RBPJ: variants seen among roughly 807,000 people sequenced by gnomAD.
RBPJ encodes the protein recombining binding protein suppressor of hairless.
Under a neutral mutation model 67.8 loss-of-function variants are expected in RBPJ, and 9 were observed. The observed-to-expected ratio is 0.13, with a 90% CI of 0.08 to 0.23. RBPJ has a LOEUF of 0.23. RBPJ is among the 10% of genes least tolerant of loss of function. The pLI, the probability that RBPJ is intolerant of heterozygous loss-of-function variation, is 1.00. For synonymous variants in RBPJ, 198 were observed against 203.3 expected (o/e 0.97, Z 0.22); for missense variants, 305 against 595.6 (o/e 0.51, Z 5.08).
chr4:26,195,449 A>G (rs893187421), intron 1 of RBPJ, among the ~76,000 whole-genome samples: 3 of 152,198 alleles, frequency 2.0e-5, no homozygotes, highest in African/African-American at 7.2e-5. Flanking sequence ...ACAGAGTAAG[A>G]TACTGTCTCA....
chr4:26,215,815 C>CTTGCCAGT lies in RBPJ; in HGVS notation c.-167+52201_-167+52202insTTGCCAGT, dbSNP rs1175940208. Among the ~76,000 whole-genome samples, 350 of 152,280 alleles carry CTTGCCAGT rather than the reference C, an allele frequency of 2.3e-3. 3 individuals are homozygous for CTTGCCAGT. The highest frequency in any genetic ancestry group is 8.0e-3 in the African/African-American group (331 of 41,542). On this transcript the variant is annotated intron_variant, in intron 1 of 4. Coordinates refer to the RBPJ transcript ENST00000512351. ...TCTCCCCACTCCCGCCTCCCGCATC[C>CTTGCCAGT]CTCTCACCTCCTTGCCAGTCTCTGG... is the stretch of plus-strand genomic sequence containing the variant.
intron 1 of RBPJ, among the ~76,000 whole-genome samples, chr4:26,340,152 C>A (rs534714251): frequency 2.0e-5 from 3 of 152,058 alleles, no homozygotes; most frequent in Non-Finnish European, 4.4e-5. Flanking sequence ...GTGATGCATG[C>A]AACTGAGAAA....
chr4:26,108,547 G>A, the RBPJ span, among the ~76,000 whole-genome samples: 1 of 152,234 alleles, frequency 6.6e-6, no homozygotes, highest in Admixed American at 6.5e-5. Flanking sequence ...AAGCTGCATG[G>A]TTTCCAGGCA....
chr4:26,385,757 C>A (rs1420476854), intron 1 of RBPJ, among the ~76,000 whole-genome samples: 1 of 149,644 alleles, frequency 6.7e-6, no homozygotes, highest in African/African-American at 2.5e-5. Context: ...CTAGAATTTT[C>A]TTTTTCTTTT....
rs978012615 is a variant in RBPJ, at chr4:26,212,539, C to A, written c.-167+48925C>A. ...GCAACTTCCACCTCCCAGGTTCAAGCGATTCCCACCTTCTTTTTTCACATA... is the reference window on the plus strand; with the variant it reads ...GCAACTTCCACCTCCCAGGTTCAAGAGATTCCCACCTTCTTTTTTCACATA... On this transcript the variant is annotated intron_variant, in intron 1 of 4. Transcript: ENST00000512351. 2.0e-5 allele frequency among the ~76,000 whole-genome samples: 3 copies of A among 147,954 alleles called. No homozygotes were observed. In the Admixed American group the frequency reaches 2.1e-4, roughly 10 times the overall value.
At chr4:26,400,139 TA>T (rs1732620147) in intron 2 of RBPJ, among the ~76,000 whole-genome samples, 1 of 152,208 alleles carries the variant, frequency 6.6e-6, no homozygotes, top group Non-Finnish European at 1.5e-5. Context: ...GTTTTTCCAA[TA>T]ATAAAATTTT....
chr4:26,415,350 T>C, intron 3 of RBPJ, 125 bp from the exon 4 acceptor site: 2 of 842,972 alleles, frequency 2.4e-6, no homozygotes, highest in South Asian at 4.0e-5. Flanking sequence ...CACCAAAATT[T>C]TTCATTGGGG....
intron 2 of RBPJ, 55 bp downstream of exon 2, chr4:26,386,446 T>G: frequency 8.4e-7 from 1 of 1,185,392 alleles, no homozygotes. Flanking sequence ...AGTATAAATC[T>G]TATTGTTTTA....
the RBPJ span, among the ~76,000 whole-genome samples, chr4:26,114,721 TTATG>T: frequency 1.2e-4 from 18 of 152,232 alleles, no homozygotes; most frequent in Non-Finnish European, 2.4e-4. Context: ...GTGTATGTAC[TTATG>T]TATGTGTATA....
At chr4:26,307,717 G>A (rs1722283326) in intron 1 of RBPJ, among the ~76,000 whole-genome samples, 1 of 152,050 alleles carries the variant, frequency 6.6e-6, no homozygotes, top group East Asian at 1.9e-4. Context: ...TGTTTGGAAA[G>A]CTGGAAGAAA....
At position 26,293,454 on chromosome 4, in the gene RBPJ, T is replaced by A. The variant is rs538589149; in HGVS notation, c.-166-68992T>A. Among the ~76,000 whole-genome samples the A allele has an allele frequency of 7.9e-4, 119 of 149,940 alleles. 2 individuals are homozygous for A. The highest frequency in any genetic ancestry group is 2.9e-3 in the African/African-American group (117 of 40,794). On this transcript the variant is annotated intron_variant, in intron 1 of 4. Transcript: ENST00000512351. Reference sequence around the variant, plus strand: ...TTCAAGGGCAGCCTGGGCAACATAGTGAGATCCTGTCCTCACAAAAAATTT... The same window carrying A: ...TTCAAGGGCAGCCTGGGCAACATAGAGAGATCCTGTCCTCACAAAAAATTT...
chr4:26,372,266 G>A (rs1275564828), intron 1 of RBPJ, among the ~76,000 whole-genome samples: 2 of 152,224 alleles, frequency 1.3e-5, no homozygotes, highest in Non-Finnish European at 2.9e-5. Flanking sequence ...TGGAAGGCAA[G>A]ATGAGGGAGG....
At chr4:26,283,309 C>T (rs944486149) in intron 1 of RBPJ, among the ~76,000 whole-genome samples, 6 of 151,596 alleles carry the variant, frequency 4.0e-5, no homozygotes, top group African/African-American at 1.5e-4. Context: ...CTTTGGGAGG[C>T]CGAGGTGGGT....
chr4:26,331,534 T>TA (rs1437966702), intron 1 of RBPJ, among the ~76,000 whole-genome samples: 1 of 152,162 alleles, frequency 6.6e-6, no homozygotes, highest in Non-Finnish European at 1.5e-5. Flanking sequence ...CCTTGATGGG[T>TA]AGAGTGCGGC....
chr4:26,283,985 A>C (rs1721374390), intron 1 of RBPJ, among the ~76,000 whole-genome samples: 1 of 152,178 alleles, frequency 6.6e-6, no homozygotes. Flanking sequence ...GGTGTCCAAA[A>C]GATTTAAGCT....
At chr4:26,372,635 ACT>A (rs1729280723) in intron 1 of RBPJ, among the ~76,000 whole-genome samples, 1 of 151,492 alleles carries the variant, frequency 6.6e-6, no homozygotes. Context: ...ACCCCGACTC[ACT>A]CTCTCAAGGC....
At chr4:26,422,178 A>T (rs1735206023) in intron 5 of RBPJ, among the ~76,000 whole-genome samples, 1 of 148,466 alleles carries the variant, frequency 6.7e-6, no homozygotes, top group Admixed American at 6.8e-5. Flanking sequence ...ATTTATTTCC[A>T]TTGGATTGGA....
rs540524530 is a variant in RBPJ, at chr4:26,231,721, G to A, written c.-167+68107G>A. Among the ~76,000 whole-genome samples, 3 of 151,280 alleles carry A rather than the reference G, an allele frequency of 2.0e-5. No individual in the cohort carries two copies. The East Asian group carries it at 5.9e-4, about 30-fold the overall frequency. ...GCCACGGCGCCCAGCCTATTTTTTT[G>A]TATTTTTAGTAGAGATGGGGTTTCA... On this transcript the variant is annotated intron_variant, in intron 1 of 4. Transcript: ENST00000512351.
At chr4:26,417,322 T>C (rs968692411) in intron 4 of RBPJ, among the ~76,000 whole-genome samples, 3 of 152,202 alleles carry the variant, frequency 2.0e-5, no homozygotes, top group African/African-American at 7.2e-5. Context: ...TGTGGCTTAG[T>C]AGTGCCACAT....
Sources: gnomAD v4.1 joint callset for allele counts (sites outside exome capture counted in the v4.1 genomes callset) on GRCh38, gnomAD v4.1.1 for gene constraint, MANE v1.5 for transcripts, NCBI Gene and HGNC (gene_info 2026-07-23, HGNC 2026-07-21) for gene names.